The following RGS6 variants were observed in gnomAD, a reference collection of about 807,000 sequenced individuals.
RGS6 encodes the protein regulator of G-protein signaling 6.
Under a neutral mutation model 78.5 loss-of-function variants are expected in RGS6, and 30 were observed. The observed-to-expected ratio is 0.38, with a 90% CI of 0.29 to 0.52. The LOEUF is 0.52. RGS6 is among the 20% of genes least tolerant of loss of function. RGS6 has a pLI of 0.85. For synonymous variants in RGS6, 206 were observed against 206.0 expected, an observed-to-expected ratio of 1.00 and a Z score of 0.00; for missense variants, 495 against 609.7, an observed-to-expected ratio of 0.81 and a Z score of 1.98.
At chr14:71,876,975 C>A in the RGS6 span, among the ~76,000 whole-genome samples, 2 of 152,160 alleles carry the variant, frequency 1.3e-5, no homozygotes, top group East Asian at 1.9e-4. Context: ...GTTGAAAATT[C>A]TTTTCTTTAA....
chr14:71,993,855 G>A lies in RGS6; in HGVS notation c.84+28980G>A, dbSNP rs140435967. On this transcript the variant is annotated intron_variant, in intron 2 of 17. Transcript: ENST00000553525. ...TACTGGATTAGAAGAGCACGAGGGG[G>A]TAGCTGCCCCAATATATTCTAATTT... 2.3e-4 allele frequency among the ~76,000 whole-genome samples: 35 copies of A among 152,104 alleles called. 1 individual carries two copies. Among genetic ancestry groups the A allele is most frequent in the African/African-American group, 7.0e-4 (29 of 41,482 alleles).
At chr14:72,256,400 A>G (rs952584416) in intron 2 of RGS6, among the ~76,000 whole-genome samples, 24 of 152,200 alleles carry the variant, frequency 1.6e-4, no homozygotes, top group African/African-American at 5.5e-4. Context: ...AGGTTTTACA[A>G]TAGTGATGTT....
intron 3 of RGS6, among the ~76,000 whole-genome samples, chr14:72,434,362 T>A (rs1024865167): frequency 6.6e-6 from 1 of 152,230 alleles, no homozygotes; most frequent in African/African-American, 2.4e-5. Context: ...TTTAATTTTT[T>A]AAAAAATGTT....
chr14:72,503,089 GT>G (rs1456134372), intron 13 of RGS6, among the ~76,000 whole-genome samples: 1 of 152,092 alleles, frequency 6.6e-6, no homozygotes, highest in Non-Finnish European at 1.5e-5. Context: ...TGGGTGTCTG[GT>G]GAGGGCCTCC....
chr14:72,553,066 A>G (rs2097528487), intron 17 of RGS6, among the ~76,000 whole-genome samples: 1 of 152,218 alleles, frequency 6.6e-6, no homozygotes, highest in Non-Finnish European at 1.5e-5. Context: ...ACAGGTGTAT[A>G]CACAGGTGCA....
chr14:72,367,139 C>T (rs2082592816), intron 3 of RGS6, among the ~76,000 whole-genome samples: 1 of 152,142 alleles, frequency 6.6e-6, no homozygotes. Flanking sequence ...GCAAACTGTT[C>T]CCATGATCTC....
At chr14:71,972,810 CA>C (rs1158893517) in intron 2 of RGS6, among the ~76,000 whole-genome samples, 1 of 152,016 alleles carries the variant, frequency 6.6e-6, no homozygotes, top group East Asian at 1.9e-4. Context: ...GAGGTTCAGG[CA>C]ACAGAATTTG....
At chr14:72,377,428 G>C (rs924540587) in intron 3 of RGS6, among the ~76,000 whole-genome samples, 2 of 152,074 alleles carry the variant, frequency 1.3e-5, no homozygotes, top group Admixed American at 6.6e-5. Context: ...GGGAGAGATA[G>C]ACTACAATAC....
At chr14:72,168,182 T>G (rs1228645895) in intron 2 of RGS6, among the ~76,000 whole-genome samples, 1 of 152,214 alleles carries the variant, frequency 6.6e-6, no homozygotes, top group Non-Finnish European at 1.5e-5. Flanking sequence ...CCCCTTCTTT[T>G]TCCATCCCTG....
At chr14:72,204,383 T>C (rs967740369) in intron 2 of RGS6, among the ~76,000 whole-genome samples, 1 of 152,114 alleles carries the variant, frequency 6.6e-6, no homozygotes, top group African/African-American at 2.4e-5. Context: ...GAGGAAGACA[T>C]CCTAGAAGGC....
At chr14:72,357,957 C>G (rs1046040136) in intron 3 of RGS6, among the ~76,000 whole-genome samples, 3 of 152,138 alleles carry the variant, frequency 2.0e-5, no homozygotes, top group East Asian at 3.9e-4. Flanking sequence ...GGTCCAGGGC[C>G]CCACTGCTGT....
At chr14:72,624,077 AT>A in the RGS6 span, among the ~76,000 whole-genome samples, 1 of 152,186 alleles carries the variant, frequency 6.6e-6, no homozygotes, top group African/African-American at 2.4e-5. Flanking sequence ...TCATAAACAT[AT>A]TTTTTAAAAC....
intron 3 of RGS6, among the ~76,000 whole-genome samples, chr14:72,418,098 A>G (rs2093952324): frequency 6.6e-6 from 1 of 151,944 alleles, no homozygotes; most frequent in Non-Finnish European, 1.5e-5. Context: ...ATTTTACTAG[A>G]TCTAGGTAGT....
intron 2 of RGS6, among the ~76,000 whole-genome samples, chr14:72,026,926 G>A (rs1406339513): frequency 2.6e-5 from 4 of 152,212 alleles, no homozygotes; most frequent in African/African-American, 9.6e-5. Flanking sequence ...GGGAAGCTCA[G>A]GAGAGCCTCT....
At chr14:72,021,838 T>C (rs1200203163) in intron 2 of RGS6, among the ~76,000 whole-genome samples, 1 of 151,938 alleles carries the variant, frequency 6.6e-6, no homozygotes, top group East Asian at 1.9e-4. Context: ...GGTAAGCTCA[T>C]GTCATGGGGA....
chr14:71,874,412 TG>T, the RGS6 span, among the ~76,000 whole-genome samples: 1 of 152,186 alleles, frequency 6.6e-6, no homozygotes. Flanking sequence ...CAATTGTGAA[TG>T]GGAGTTCACT....
At chr14:72,280,011 C>T (rs1482229195) in intron 2 of RGS6, among the ~76,000 whole-genome samples, 1 of 152,172 alleles carries the variant, frequency 6.6e-6, no homozygotes, top group Non-Finnish European at 1.5e-5. Context: ...TCTACTACTA[C>T]AGGGTACTGT....
At chr14:71,927,066 A>G in the RGS6 span, among the ~76,000 whole-genome samples, 1 of 152,178 alleles carries the variant, frequency 6.6e-6, no homozygotes, top group East Asian at 1.9e-4. Context: ...TCTGACTACA[A>G]GCTTTGGGAA....
chr14:72,245,278 G>A (rs555960249), intron 2 of RGS6, among the ~76,000 whole-genome samples: 27 of 152,284 alleles, frequency 1.8e-4, no homozygotes, highest in African/African-American at 2.6e-4. Flanking sequence ...CTAACCCAGC[G>A]GTACTAGAGG....
Sources: gnomAD v4.1 joint callset for allele counts (sites outside exome capture counted in the v4.1 genomes callset) on GRCh38, gnomAD v4.1.1 for gene constraint, MANE v1.5 for transcripts, NCBI Gene and HGNC (gene_info 2026-07-23, HGNC 2026-07-21) for gene names.